The following IFT172 variants were observed in gnomAD, a reference collection of about 807,000 sequenced individuals.
IFT172 encodes the protein intraflagellar transport 172, also known as intraflagellar transport protein 172 homolog.
A neutral mutation model predicts 248.9 loss-of-function variants in IFT172; 164 were observed. The ratio of observed to expected loss-of-function variants is 0.66; its 90% CI spans 0.58 to 0.75. The LOEUF (loss-of-function observed/expected upper bound fraction) is 0.75, where lower values mean the gene tolerates loss of function less well. Among genes scored for constraint, IFT172 ranks in the 30% least tolerant of loss-of-function variants. The probability of loss-of-function intolerance (pLI) is 0.00; values close to 1 mark genes in which losing one functional copy is unlikely to be tolerated. For synonymous variants in IFT172, 729 were observed against 791.6 expected (o/e 0.92, Z 1.33); for missense variants, 1,950 against 2,192.4 (o/e 0.89, Z 2.21).
intron 16 of IFT172, chr2:27,470,724 A>G: frequency 4.4e-6 from 2 of 454,732 alleles, no homozygotes; most frequent in East Asian, 3.6e-5. Context: ...TAATGAACCC[A>G]TACTCCAAGG....
intron 15 of IFT172, chr2:27,471,337 T>C (rs1295441410): frequency 5.3e-6 from 2 of 376,400 alleles, no homozygotes; most frequent in South Asian, 6.3e-5. Context: ...AAGGTCAGAC[T>C]TTCCTTCTTG....
intron 30 of IFT172, chr2:27,455,802 G>A: frequency 2.1e-6 from 1 of 484,840 alleles, no homozygotes. Context: ...TTGGCATCAT[G>A]GACCATGAAG....
At chr2:27,470,519 A>G (rs1438790323) in intron 16 of IFT172, among the ~76,000 whole-genome samples, 1 of 152,128 alleles carries the variant, frequency 6.6e-6, no homozygotes, top group Non-Finnish European at 1.5e-5. Flanking sequence ...TTGGAAGACT[A>G]CTGGGTATGT....
chr2:27,461,740 G>A lies in IFT172; in HGVS notation c.2193+19C>T. On this transcript the variant is annotated intron_variant, in intron 21 of 47. Coordinates refer to ENST00000260570, the MANE Select transcript of IFT172 (RefSeq NM_015662.3). ...CAGAACCAAATTCTGAACAACTGTGGAGAAGATAAAACAGGTACCTTGGCT... is the reference window on the plus strand; with the variant it reads ...CAGAACCAAATTCTGAACAACTGTGAAGAAGATAAAACAGGTACCTTGGCT... 1 of 1,614,056 alleles carries A rather than the reference G, an allele frequency of 6.2e-7. No individual in the cohort carries two copies. The highest frequency in any genetic ancestry group is 8.5e-7 in the Non-Finnish European group (1 of 1,179,966).
At chr2:27,468,431 G>A (rs57812762) in intron 16 of IFT172, among the ~76,000 whole-genome samples, 1 of 151,640 alleles carries the variant, frequency 6.6e-6, no homozygotes, top group African/African-American at 2.4e-5. Flanking sequence ...ATGCGGTTTC[G>A]CCATGTTAGC....
At chr2:27,472,053 AGAG>A in intron 15 of IFT172, 194 bp downstream of exon 15, 1 of 564,294 alleles carries the variant, frequency 1.8e-6, no homozygotes, top group Non-Finnish European at 3.1e-6. Flanking sequence ...AAAAAAAAAA[AGAG>A]GTAATAAAGG....
chr2:27,486,757 C>A (rs1316602234), intron 1 of IFT172, among the ~76,000 whole-genome samples: 2 of 152,216 alleles, frequency 1.3e-5, no homozygotes, highest in African/African-American at 2.4e-5. Context: ...TTCAGCCCTA[C>A]CTGCATCATG....
At chr2:27,461,893 C>G (rs1666708526) in intron 20 of IFT172, 57 bp from the exon 21 acceptor site, 5 of 1,597,004 alleles carry the variant, frequency 3.1e-6, no homozygotes, top group Non-Finnish European at 4.3e-6. Flanking sequence ...GATCAGAAAG[C>G]AGCAAGCTCT....
At chr2:27,479,130 A>AG (rs1668165514) in intron 10 of IFT172, among the ~76,000 whole-genome samples, 1 of 151,920 alleles carries the variant, frequency 6.6e-6, no homozygotes, top group South Asian at 2.1e-4. Context: ...TCAGCCTCCC[A>AG]AGTAGCTGGG....
intron 40 of IFT172, 50 bp from the exon 41 acceptor site, chr2:27,447,972 A>C: frequency 3.4e-6 from 4 of 1,181,564 alleles, no homozygotes; most frequent in Non-Finnish European, 5.1e-6. Context: ...GCTAGAAGAG[A>C]AAGTCACTGG....
chr2:27,463,725 C>A (rs925661881), intron 18 of IFT172, among the ~76,000 whole-genome samples: 1 of 151,944 alleles, frequency 6.6e-6, no homozygotes, highest in Non-Finnish European at 1.5e-5. Context: ...TGAGCTGAGA[C>A]CTGAATACAA....
chr2:27,444,860 G>T (rs1159202619), intron 47 of IFT172, among the ~76,000 whole-genome samples, 154 bp downstream of exon 47: 1 of 152,254 alleles, frequency 6.6e-6, no homozygotes, highest in Middle Eastern at 3.4e-3. Flanking sequence ...TGTTGGCCAG[G>T]CTGGTCTCAA....
chr2:27,465,939 A>G lies in IFT172; in HGVS notation c.1693-57T>C, dbSNP rs943218980. On this transcript the variant is annotated intron_variant, in intron 16 of 47. Coordinates refer to ENST00000260570, the MANE Select transcript of IFT172 (RefSeq NM_015662.3). Reference sequence around the variant, plus strand: ...TTTCAGGTTAGTTTCCACTGAATCAATTATAGAAAAGACCCACCCTCATCC... The same window carrying G: ...TTTCAGGTTAGTTTCCACTGAATCAGTTATAGAAAAGACCCACCCTCATCC... 2.5e-5 allele frequency: 40 copies of G among 1,605,644 alleles called. No individual in the cohort carries two copies. The South Asian group carries it at 3.7e-4, about 15-fold the overall frequency.
rs193165839 is a variant in IFT172, at chr2:27,483,825, C to G, written c.402+47G>C. On this transcript the variant is annotated intron_variant, in intron 5 of 47. Transcript: ENST00000260570. ...TGAACCATATTCCTCTCTCCAGAAC[C>G]ATTATCCCTACCACCCCCTCTCTTG... 79 of 1,523,978 alleles carry G rather than the reference C, an allele frequency of 5.2e-5. No homozygotes were observed. The African/African-American group carries it at 5.3e-4, about 10-fold the overall frequency. The allele number at this position is 1,523,978 out of a possible 1,614,324, so 94.4% of individuals were successfully genotyped here.
chr2:27,454,860 C>T lies in IFT172; in HGVS notation c.3372-200G>A, dbSNP rs779902087. On this transcript the variant is annotated intron_variant, in intron 30 of 47. Coordinates refer to ENST00000260570, the MANE Select transcript of IFT172 (RefSeq NM_015662.3). This position sits in a 1 kb window ranked among gnomAD's most constrained non-coding sequence, Gnocchi z 4.2. ...CCTGTGAAGACCATGTCACTGTCAG[C>T]GTGGATCAAGAGACGTCTGGAAAAG... Among the ~76,000 whole-genome samples the T allele has an allele frequency of 9.2e-5, 14 of 152,078 alleles. No homozygotes were observed. Among genetic ancestry groups the T allele is most frequent in the Non-Finnish European group, 1.3e-4 (9 of 68,020 alleles).
rs748457958 is a variant in IFT172, at chr2:27,453,718, C to T, written c.3733G>A (p.Ala1245Thr). The T allele has an allele frequency of 3.7e-6, 6 of 1,612,184 alleles. No homozygotes were observed. Among genetic ancestry groups the T allele is most frequent in the East Asian group, 2.2e-5 (1 of 44,870 alleles). The change falls in exon 34 of 48, where the codon GCT becomes ACT. Residue 1245 changes from alanine to threonine, a missense_variant. Transcript: ENST00000260570. The stretch of plus-strand genomic sequence containing the variant: ...ACATAGTCCTTGCAGATGCGCAGAG[C>T]GTCACTCCATAATCCAGCCTCCTGC... Reference protein sequence around the residue: ...YYKEAGLWSDALRICKDYVPS... With the variant: ...YYKEAGLWSDTLRICKDYVPS...
chr2:27,452,777 C>T (rs1187529093), intron 35 of IFT172, among the ~76,000 whole-genome samples: 5 of 152,308 alleles, frequency 3.3e-5, no homozygotes, highest in South Asian at 2.1e-4. Flanking sequence ...GAATTATAGG[C>T]GTGAGCCACC....
chr2:27,483,447 T>A, intron 6 of IFT172, 71 bp from the exon 7 acceptor site: 1 of 1,405,770 alleles, frequency 7.1e-7, no homozygotes, highest in Non-Finnish European at 1.0e-6. Context: ...CCTTTCTCTG[T>A]CAAACACAAC....
In IFT172 at chr2:27,485,079, T is replaced by C. The variant is rs752069515; in HGVS notation, c.235A>G (p.Thr79Ala). 3.0e-5 allele frequency: 48 copies of C among 1,610,342 alleles called. No individual in the cohort carries two copies. In the African/African-American group the frequency reaches 5.5e-4, roughly 19 times the overall value. Reference sequence around the variant, plus strand: ...TCAGTCTGTCCTATGGCAATTTTAGTGGAATCAGGAGAAAAAGCCATGCCC... The same window carrying C: ...TCAGTCTGTCCTATGGCAATTTTAGCGGAATCAGGAGAAAAAGCCATGCCC... The part of the protein sequence containing the change: ...VKGMAFSPDS[T>A]KIAIGQTDNI... Residue 79 changes from threonine to alanine, a missense_variant, in exon 3 of 48, where the codon ACT (threonine) becomes GCT (alanine). Thr to Ala is a moderately conservative substitution (Grantham distance 58). Around this residue, in one of 3 missense-constraint regions of IFT172, gnomAD observed 1,166 missense variants for 1,254.1 expected, o/e 0.93. Coordinates refer to ENST00000260570, the MANE Select transcript of IFT172 (RefSeq NM_015662.3).
Sources: allele counts gnomAD v4.1 joint callset (sites outside exome capture counted in the v4.1 genomes callset), GRCh38; gene constraint gnomAD v4.1.1; regional missense constraint gnomAD v4.1.1; non-coding constraint Gnocchi (gnomAD v3.1); transcripts MANE v1.5; gene names NCBI Gene and HGNC (gene_info 2026-07-23, HGNC 2026-07-21).